The following SRL variants were observed in gnomAD, a reference collection of about 807,000 sequenced individuals.
SRL encodes the protein sarcalumenin.
SRL carries 23 observed loss-of-function variants against 39.5 expected under a neutral mutation model. The observed-to-expected ratio is 0.58, with a 90% CI of 0.42 to 0.82. The LOEUF is 0.82. Ranked by LOEUF, SRL falls within the 40% of genes least tolerant of loss-of-function variation. The pLI is 0.00. For synonymous variants in SRL, 272 were observed against 237.4 expected, an observed-to-expected ratio of 1.15 and a Z score of -1.34; for missense variants, 592 against 607.8, an observed-to-expected ratio of 0.97 and a Z score of 0.27.
At chr16:4,234,406 G>A (rs554747708) in intron 1 of SRL, among the ~76,000 whole-genome samples, 1 of 152,322 alleles carries the variant, frequency 6.6e-6, no homozygotes, top group South Asian at 2.1e-4. Flanking sequence ...TGCTCTGGGA[G>A]TCCCTCTGTG....
chr16:4,200,502 C>T (rs967853264), intron 3 of SRL, among the ~76,000 whole-genome samples: 2 of 152,178 alleles, frequency 1.3e-5, no homozygotes, highest in African/African-American at 2.4e-5. Context: ...GAACCAAGCC[C>T]AAAAGGTGAG....
chr16:4,216,584 A>G (rs2052463087), intron 1 of SRL, among the ~76,000 whole-genome samples: 1 of 152,204 alleles, frequency 6.6e-6, no homozygotes, highest in South Asian at 2.1e-4. Flanking sequence ...TATTCACTTT[A>G]AAAAGACAAA....
Position 4,191,931 on chromosome 16 carries a change from C to T in SRL, c.*222G>A. 1 of 486,646 alleles carries T rather than the reference C, an allele frequency of 2.1e-6. No individual in the cohort carries two copies. The allele number at this position is 486,646 out of a possible 1,614,324, so 30.1% of individuals were successfully genotyped here. ...GGAGGCTGACTTGCCTCAATCAGGCCTCCTCATTGAAGCAACAAGACAAGC... is the reference window on the plus strand; with the variant it reads ...GGAGGCTGACTTGCCTCAATCAGGCTTCCTCATTGAAGCAACAAGACAAGC... On this transcript the variant is annotated 3_prime_UTR_variant, in exon 6 of 6. Coordinates refer to ENST00000399609, the MANE Select transcript of SRL (RefSeq NM_001098814.2).
intron 1 of SRL, among the ~76,000 whole-genome samples, chr16:4,208,358 G>A (rs1401807681): frequency 6.6e-6 from 1 of 152,004 alleles, no homozygotes; most frequent in Non-Finnish European, 1.5e-5. Flanking sequence ...CATCACTAAC[G>A]AAGTGAGCAG....
chr16:4,206,815 A>G (rs1304586139), intron 1 of SRL: 5 of 454,874 alleles, frequency 1.1e-5, no homozygotes, highest in African/African-American at 8.1e-5. Flanking sequence ...CTGCCCATGG[A>G]CTCTGTATTC....
rs372047118 is a variant in SRL at position 4,192,529 on chromosome 16, C to A, written c.1046G>T (p.Arg349Leu). The A allele has an allele frequency of 6.2e-7, 1 of 1,614,160 alleles. No individual in the cohort carries two copies. The highest frequency in any genetic ancestry group is 2.2e-5 in the East Asian group (1 of 44,880). ...TTTGTCCTTGTAAGTCTGCAGGTAG[C>A]GGTCAACCAGGAGGGCGTGGATGCG... ...RVRIHALLVD[R>L]YLQTYKDKMT... The change falls in exon 6 of 6, where the codon CGC becomes CTC. Residue 349 changes from arginine to leucine, a missense_variant. Coordinates refer to ENST00000399609, the MANE Select transcript of SRL (RefSeq NM_001098814.2). This position sits in a 1 kb window ranked among gnomAD's most constrained non-coding sequence, Gnocchi z 4.0.
At chr16:4,197,421 C>CTTTTTTTTTT (rs71139621) in intron 4 of SRL, among the ~76,000 whole-genome samples, 2 of 107,568 alleles carry the variant, frequency 1.9e-5, no homozygotes, top group African/African-American at 7.5e-5. Flanking sequence ...CTTTTCTTTC[C>CTTTTTTTTTT]TTTTTTTTTT....
intron 1 of SRL, among the ~76,000 whole-genome samples, chr16:4,228,103 A>C (rs1251980243): frequency 1.3e-5 from 2 of 152,230 alleles, no homozygotes; most frequent in African/African-American, 4.8e-5. Context: ...GCAGCCTGGG[A>C]TTCCTGGACC....
At chr16:4,219,365 T>C (rs1451538695) in intron 1 of SRL, among the ~76,000 whole-genome samples, 1 of 152,256 alleles carries the variant, frequency 6.6e-6, no homozygotes, top group Non-Finnish European at 1.5e-5. Flanking sequence ...ATTGCTCATC[T>C]GTCCCCCTAT....
intron 1 of SRL, among the ~76,000 whole-genome samples, chr16:4,227,256 G>A (rs2141062603): frequency 6.6e-6 from 1 of 151,698 alleles, no homozygotes; most frequent in Non-Finnish European, 1.5e-5. Flanking sequence ...ATGAAGGGAT[G>A]GGTGGATGGA....
At chr16:4,203,931 G>A (rs755800483) in intron 2 of SRL, among the ~76,000 whole-genome samples, 27 of 152,200 alleles carry the variant, frequency 1.8e-4, no homozygotes, top group South Asian at 4.1e-4. Context: ...GACACTCCCC[G>A]GAGGGGTGGG....
At chr16:4,239,003 C>A (rs1025942008) in intron 1 of SRL, among the ~76,000 whole-genome samples, 1 of 152,128 alleles carries the variant, frequency 6.6e-6, no homozygotes, top group Non-Finnish European at 1.5e-5. Context: ...CCAGATGTCC[C>A]CTACAGGCTT....
Position 4,192,359 on chromosome 16 carries a change from C to T in SRL, c.1216G>A (p.Gly406Ser), listed in dbSNP as rs373808257. The T allele has an allele frequency of 2.1e-5, 34 of 1,614,000 alleles. No individual in the cohort carries two copies. The highest frequency in any genetic ancestry group is 3.3e-5 in the Admixed American group (2 of 59,984). Residue 406 changes from glycine to serine, a missense_variant, in exon 6 of 6, where the codon GGC becomes AGC. By Grantham distance (56) the Gly-to-Ser change is moderately conservative. Coordinates refer to ENST00000399609, the MANE Select transcript of SRL (RefSeq NM_001098814.2). The surrounding 1 kb of genome is among the most constrained non-coding windows in gnomAD (Gnocchi z 4.0). ...PNREAYKDFF[G>S]INPISSFKLL... ...TTGAAACTGGAAATGGGATTGATGC[C>T]GAAGAAGTCCTTATAGGCCTCGCGG...
At chr16:4,214,883 T>G (rs1327291740) in intron 1 of SRL, among the ~76,000 whole-genome samples, 1 of 151,972 alleles carries the variant, frequency 6.6e-6, no homozygotes, top group Non-Finnish European at 1.5e-5. Flanking sequence ...TTCTCCTGCC[T>G]CAGCCTCCCG....
chr16:4,206,290 C>T (rs1359189677), intron 1 of SRL, among the ~76,000 whole-genome samples: 1 of 152,144 alleles, frequency 6.6e-6, no homozygotes, highest in East Asian at 1.9e-4. Flanking sequence ...GCAATGCTTC[C>T]TACAGCCTAG....
intron 1 of SRL, among the ~76,000 whole-genome samples, chr16:4,213,851 C>G (rs1956582868): frequency 1.3e-5 from 2 of 152,184 alleles, no homozygotes; most frequent in African/African-American, 2.4e-5. Context: ...GCAGAAAAAG[C>G]AAGGGTTGTT....
chr16:4,240,258 C>T (rs2052758731), intron 1 of SRL, among the ~76,000 whole-genome samples: 1 of 152,110 alleles, frequency 6.6e-6, no homozygotes, highest in Non-Finnish European at 1.5e-5. Context: ...CAAGATGTGA[C>T]CTTTGGGTGG....
At chr16:4,230,739 A>C (rs1023767107) in intron 1 of SRL, among the ~76,000 whole-genome samples, 15 of 152,116 alleles carry the variant, frequency 9.9e-5, no homozygotes, top group African/African-American at 3.6e-4. Context: ...ATTAGTTAAG[A>C]TGAGATCATA....
chr16:4,230,036 C>G (rs2052641659), intron 1 of SRL, among the ~76,000 whole-genome samples: 1 of 152,126 alleles, frequency 6.6e-6, no homozygotes, highest in African/African-American at 2.4e-5. Context: ...CCTTTCCCCT[C>G]TCTACCTCAC....
Sources: allele counts gnomAD v4.1 joint callset (sites outside exome capture counted in the v4.1 genomes callset), GRCh38; gene constraint gnomAD v4.1.1; non-coding constraint Gnocchi (gnomAD v3.1); transcripts MANE v1.5; gene names NCBI Gene and HGNC (gene_info 2026-07-23, HGNC 2026-07-21).